Variants in RBFOX1 observed in about 807,000 individuals in gnomAD.
RBFOX1 encodes the protein RNA binding protein fox-1 homolog 1.
Under a neutral mutation model 57.7 loss-of-function variants are expected in RBFOX1, and 8 were observed. The observed-to-expected ratio is 0.14, with a 90% CI of 0.08 to 0.25. RBFOX1 has a LOEUF of 0.25. Ranked by LOEUF, RBFOX1 falls within the 10% of genes least tolerant of loss-of-function variation. The probability of loss-of-function intolerance (pLI) is 1.00; values close to 1 mark genes in which losing one functional copy is unlikely to be tolerated. For missense variants in RBFOX1, 611 were observed against 548.5 expected, an observed-to-expected ratio of 1.11 and a Z score of -1.14; for synonymous variants, 326 against 222.4, an observed-to-expected ratio of 1.47 and a Z score of -4.15.
chr16:6,975,659 A>C (rs2153577846), intron 3 of RBFOX1, among the ~76,000 whole-genome samples: 1 of 152,296 alleles, frequency 6.6e-6, no homozygotes, highest in Middle Eastern at 3.4e-3. Flanking sequence ...ACATGATCAG[A>C]ATTTCAGCCC....
At chr16:7,708,496 A>C (rs1404293495) in intron 14 of RBFOX1, among the ~76,000 whole-genome samples, 1 of 132,748 alleles carries the variant, frequency 7.5e-6, no homozygotes, top group Non-Finnish European at 1.8e-5. Context: ...AATCAGTCTG[A>C]TTGAATGGGA....
chr16:5,627,340 C>A (rs1283713411), intron 3 of RBFOX1, among the ~76,000 whole-genome samples: 1 of 152,032 alleles, frequency 6.6e-6, no homozygotes, highest in Non-Finnish European at 1.5e-5. Flanking sequence ...ATGAAACAGT[C>A]TGGTAGAATT....
intron 3 of RBFOX1, among the ~76,000 whole-genome samples, chr16:5,662,246 T>A (rs925180902): frequency 2.6e-5 from 4 of 152,180 alleles, no homozygotes; most frequent in Admixed American, 1.3e-4. Context: ...AAAACAGTAG[T>A]TCTGAACCAT....
At chr16:6,073,794 T>A (rs1333600496) in intron 1 of RBFOX1, among the ~76,000 whole-genome samples, 1 of 152,170 alleles carries the variant, frequency 6.6e-6, no homozygotes, top group East Asian at 1.9e-4. Flanking sequence ...GGTATATATT[T>A]TTTTTATTTG....
intron 1 of RBFOX1, among the ~76,000 whole-genome samples, chr16:6,179,555 G>T (rs1197412005): frequency 6.6e-6 from 1 of 152,102 alleles, no homozygotes; most frequent in African/African-American, 2.4e-5. Flanking sequence ...GCCCTACTGG[G>T]CTCAGAGACT....
chr16:6,261,923 G>C (rs2152636751), intron 1 of RBFOX1, among the ~76,000 whole-genome samples: 1 of 152,162 alleles, frequency 6.6e-6, no homozygotes, highest in African/African-American at 2.4e-5. Context: ...CCAGATACTT[G>C]GGAGGCTGAG....
intron 4 of RBFOX1, among the ~76,000 whole-genome samples, chr16:7,342,156 C>G (rs895732547): frequency 1.3e-5 from 2 of 152,178 alleles, no homozygotes; most frequent in African/African-American, 4.8e-5. Context: ...GGCCATTACT[C>G]TCTCTGTGTT....
At chr16:6,589,984 C>G (rs965782185) in intron 2 of RBFOX1, among the ~76,000 whole-genome samples, 9 of 152,110 alleles carry the variant, frequency 5.9e-5, no homozygotes, top group African/African-American at 1.9e-4. Context: ...CCAGTCACTC[C>G]TCTTCTGATA....
chr16:6,278,880 C>G (rs1009070288), intron 1 of RBFOX1, among the ~76,000 whole-genome samples: 1 of 152,002 alleles, frequency 6.6e-6, no homozygotes, highest in Non-Finnish European at 1.5e-5. Context: ...AATCTTAAAT[C>G]GTTGGTGATT....
At chr16:7,061,258 T>G (rs1294367846) in intron 4 of RBFOX1, among the ~76,000 whole-genome samples, 1 of 151,878 alleles carries the variant, frequency 6.6e-6, no homozygotes. Flanking sequence ...ATTTAAAATG[T>G]TTTTTAAAAT....
At chr16:5,669,285 T>G (rs1435085905) in intron 3 of RBFOX1, among the ~76,000 whole-genome samples, 1 of 152,102 alleles carries the variant, frequency 6.6e-6, no homozygotes, top group Non-Finnish European at 1.5e-5. Flanking sequence ...CAAACTCTGT[T>G]TGACTATCTC....
At chr16:6,273,173 T>C (rs1444628515) in intron 1 of RBFOX1, among the ~76,000 whole-genome samples, 1 of 151,330 alleles carries the variant, frequency 6.6e-6, no homozygotes, top group Non-Finnish European at 1.5e-5. Context: ...GGCAGGAGAA[T>C]GGCTTGAACC....
intron 1 of RBFOX1, among the ~76,000 whole-genome samples, chr16:6,110,829 GC>G (rs1433962887): frequency 1.3e-5 from 2 of 152,120 alleles, no homozygotes; most frequent in African/African-American, 4.8e-5. Context: ...GTGGGTAGAG[GC>G]CAGAGACGGT....
At chr16:6,892,689 C>T (rs1192215323) in intron 3 of RBFOX1, among the ~76,000 whole-genome samples, 1 of 151,610 alleles carries the variant, frequency 6.6e-6, no homozygotes, top group Non-Finnish European at 1.5e-5. Flanking sequence ...ACAAAAAAGC[C>T]TGAGAGTGAA....
At chr16:7,639,950 T>C (rs1394315389) in intron 11 of RBFOX1, among the ~76,000 whole-genome samples, 1 of 152,194 alleles carries the variant, frequency 6.6e-6, no homozygotes, top group Admixed American at 6.5e-5. Flanking sequence ...AATGGTGAAC[T>C]CCAGAGATTA....
intron 3 of RBFOX1, among the ~76,000 whole-genome samples, chr16:5,626,322 T>G (rs1399459930): frequency 1.3e-5 from 2 of 152,184 alleles, no homozygotes; most frequent in African/African-American, 4.8e-5. Flanking sequence ...GACCGTCTTC[T>G]CCCTGTGTCT....
At chr16:7,634,053 A>T (rs2061385199) in intron 11 of RBFOX1, among the ~76,000 whole-genome samples, 1 of 152,136 alleles carries the variant, frequency 6.6e-6, no homozygotes, top group African/African-American at 2.4e-5. Context: ...TTCTTCTCCC[A>T]ACAGTTTCGA....
chr16:6,050,183 C>T (rs974622637), intron 1 of RBFOX1, among the ~76,000 whole-genome samples: 1 of 152,152 alleles, frequency 6.6e-6, no homozygotes, highest in African/African-American at 2.4e-5. Flanking sequence ...TGGTTTCAAA[C>T]TCCTGACCTC....
intron 3 of RBFOX1, among the ~76,000 whole-genome samples, chr16:5,739,468 G>A (rs2052699329): frequency 6.6e-6 from 1 of 152,222 alleles, no homozygotes; most frequent in Admixed American, 6.5e-5. Context: ...GTATTGGAAG[G>A]TGGTAATGTT....
Sources: gnomAD v4.1 joint callset for allele counts (sites outside exome capture counted in the v4.1 genomes callset) on GRCh38, gnomAD v4.1.1 for gene constraint, MANE v1.5 for transcripts, NCBI Gene and HGNC (gene_info 2026-07-23, HGNC 2026-07-21) for gene names.